CPZ: variants seen among roughly 807,000 people sequenced by gnomAD.
CPZ encodes VEZT/CPZ fusion.
In CPZ, 103 loss-of-function variants were observed where a neutral mutation model predicts 61.8. The observed-to-expected ratio is 1.67, with a 90% CI of 1.42 to 1.96. The LOEUF is 1.96. Among genes scored for constraint, CPZ ranks in the 30% most tolerant of loss-of-function variants. The pLI is 0.00. For synonymous variants in CPZ, 551 were observed against 373.7 expected, an observed-to-expected ratio of 1.47 and a Z score of -5.47; for missense variants, 1,461 against 914.9, an observed-to-expected ratio of 1.60 and a Z score of -7.70.
chr4:8,607,332 C>T lies in CPZ; in HGVS notation c.1134C>T (p.Ser378=), dbSNP rs1715119845. ...MQTIPFVLSA[S]LHGGDLVVSY... is the part of the protein sequence containing the mutation. Reference sequence around the variant, plus strand: ...CCATACCCTTTGTGCTCTCAGCCAGCCTTCATGGGGGCGACCTGGTGGTGT... The same window carrying T: ...CCATACCCTTTGTGCTCTCAGCCAGTCTTCATGGGGGCGACCTGGTGGTGT... Residue 378 remains serine (S), a synonymous_variant, in exon 7 of 11, where the codon AGC becomes AGT. Transcript: ENST00000360986. 6.2e-7 allele frequency: 1 copy of T among 1,614,116 alleles called. No homozygotes were observed. The highest frequency in any genetic ancestry group is 8.5e-7 in the Non-Finnish European group (1 of 1,179,984).
chr4:8,606,240 T>G, intron 5 of CPZ, 55 bp downstream of exon 5: 1 of 1,513,036 alleles, frequency 6.6e-7, no homozygotes, highest in South Asian at 1.2e-5. Flanking sequence ...ACCCCCTCAT[T>G]CATCCATTTA....
chr4:8,592,933 C>T lies in CPZ; in HGVS notation c.88+12C>T, dbSNP rs1277113790. Reference sequence around the variant, plus strand: ...GCGGAACCCCGCCGGTAAGGCCGTCCCCTGCCCCCACCCTCCACCCTCCAC... The same window carrying T: ...GCGGAACCCCGCCGGTAAGGCCGTCTCCTGCCCCCACCCTCCACCCTCCAC... On this transcript the variant is annotated intron_variant, in intron 1 of 10. Transcript: ENST00000360986. 1.3e-6 allele frequency: 2 copies of T among 1,527,808 alleles called. No individual in the cohort carries two copies. The highest frequency in any genetic ancestry group is 1.8e-6 in the Non-Finnish European group (2 of 1,138,580). The allele number at this position is 1,527,808 out of a possible 1,614,324, so 94.6% of individuals were successfully genotyped here. A position where few individuals can be genotyped will look rare whatever the true frequency, so the allele number is the denominator to read the frequency against.
intron 7 of CPZ, among the ~76,000 whole-genome samples, chr4:8,609,134 A>AC (rs1553877613): frequency 3.2e-5 from 4 of 124,814 alleles, no homozygotes; most frequent in Admixed American, 1.6e-4. Context: ...TCATTCACTC[A>AC]TTTACTCATT....
At position 8,601,171 on chromosome 4, in the gene CPZ, AC is replaced by A. The variant is rs1214708463; in HGVS notation, c.172del (p.His58ThrfsTer25). 1 of 1,606,292 alleles carries A rather than the reference AC, an allele frequency of 6.2e-7. No individual in the cohort carries two copies. The highest frequency in any genetic ancestry group is 8.5e-7 in the Non-Finnish European group (1 of 1,174,776). On this transcript the variant is annotated frameshift_variant, in exon 3 of 11. Transcript: ENST00000360986. LOFTEE classifies it high-confidence loss of function. ...QLRTCSDAAYNHTTFPNLLQH... is the reference protein window; with the variant it reads ...QLRTCSDAAYXHTTFPNLLQH... ...AGGACCTGCAGCGATGCCGCCTACA[AC>A]CACACCACCTTCCCCAACCTGCTTC...
At chr4:8,605,322 T>TCATC (rs6148295) in intron 4 of CPZ, among the ~76,000 whole-genome samples, 2,624 of 150,082 alleles carry the variant, frequency 0.017, 30 homozygotes, top group Middle Eastern at 0.061. Context: ...ATTCATTTAT[T>TCATC]CATCCATCCA....
intron 1 of CPZ, among the ~76,000 whole-genome samples, chr4:8,597,162 C>T (rs960407758): frequency 2.0e-5 from 3 of 152,172 alleles, no homozygotes; most frequent in African/African-American, 7.2e-5. Context: ...GCAAACCCTG[C>T]TGCCAGAGTG....
At chr4:8,614,539 C>T in intron 9 of CPZ, 41 bp downstream of exon 9, 1 of 1,601,220 alleles carries the variant, frequency 6.2e-7, no homozygotes, top group South Asian at 1.1e-5. Flanking sequence ...CAGCTGTGGC[C>T]TGGGTGGGGT....
At chr4:8,611,027 C>T (rs1265518662) in intron 7 of CPZ, 2 of 349,314 alleles carry the variant, frequency 5.7e-6, no homozygotes, top group African/African-American at 4.4e-5. Context: ...CACTCATTCC[C>T]TCACTCTTTC....
At chr4:8,596,420 T>G (rs1452844996) in intron 1 of CPZ, among the ~76,000 whole-genome samples, 3 of 152,252 alleles carry the variant, frequency 2.0e-5, no homozygotes, top group Non-Finnish European at 4.4e-5. Flanking sequence ...CACCCCTCTC[T>G]GTGCCTTGCA....
At chr4:8,605,918 T>TGG in intron 4 of CPZ, 71 bp from the exon 5 acceptor site, 1 of 1,472,320 alleles carries the variant, frequency 6.8e-7, no homozygotes, top group Non-Finnish European at 9.4e-7. Flanking sequence ...TCTTGCTGAG[T>TGG]GGGGGGGCCT....
rs747914067 is a variant in CPZ at position 8,612,067 on chromosome 4, C to G, written c.1268C>G (p.Pro423Arg). The G allele has an allele frequency of 5.0e-6, 8 of 1,613,898 alleles. No individual in the cohort carries two copies. Among genetic ancestry groups the G allele is most frequent in the Non-Finnish European group, 5.9e-6 (7 of 1,179,972 alleles). The change falls in exon 8 of 11, where the codon CCC becomes CGC. Residue 423 changes from proline (P) to arginine (R), a missense_variant. Pro to Arg is a moderately radical substitution (Grantham distance 103). Coordinates refer to ENST00000360986, the MANE Select transcript of CPZ (RefSeq NM_001014447.3). The part of the protein sequence containing the change: ...LLSRAYADVH[P>R]MMMDRSENRC... ...TCCAGAGCCTACGCTGACGTCCACC[C>G]CATGATGATGGACAGGTCGGAGAAT...
chr4:8,607,185 A>G, intron 6 of CPZ, 82 bp from the exon 7 acceptor site: 3 of 1,485,614 alleles, frequency 2.0e-6, no homozygotes, highest in East Asian at 2.3e-5. Flanking sequence ...ATTGGAGCCC[A>G]GAGGGCTGCT....
chr4:8,594,945 T>G (rs1436055027), intron 1 of CPZ, among the ~76,000 whole-genome samples: 2 of 152,060 alleles, frequency 1.3e-5, no homozygotes, highest in African/African-American at 4.8e-5. Flanking sequence ...ACTAATTTTT[T>G]GTAGTTTTAG....
At chr4:8,611,225 G>C (rs749632957) in intron 7 of CPZ, 15 of 456,144 alleles carry the variant, frequency 3.3e-5, no homozygotes, top group South Asian at 1.9e-4. Context: ...GCTCATGCAG[G>C]GTGAGCCCTT....
chr4:8,593,098 C>G (rs994504608), intron 1 of CPZ, among the ~76,000 whole-genome samples, 177 bp downstream of exon 1: 1 of 152,194 alleles, frequency 6.6e-6, no homozygotes, highest in Non-Finnish European at 1.5e-5. Context: ...TGTGACCTCT[C>G]CCCTGGACGG....
Position 8,618,530 on chromosome 4 carries a change from TGAGCACGTCCCTGGCTGTCCCCTGGG to T in CPZ, c.1603+5_1603+30del. ...GCATTCGCCACGACATCACCACAGG[TGAGCACGTCCCTGGCTGTCCCCTGGG>T]GACCACGTCTGCCAAGGAAATGCCA... On this transcript the variant is annotated splice_donor_5th_base_variant and intron_variant, in intron 10 of 10. Coordinates refer to ENST00000360986, the MANE Select transcript of CPZ (RefSeq NM_001014447.3). 2 of 1,613,154 alleles carry T rather than the reference TGAGCACGTCCCTGGCTGTCCCCTGGG, an allele frequency of 1.2e-6. No individual in the cohort carries two copies. The highest frequency in any genetic ancestry group is 8.5e-7 in the Non-Finnish European group (1 of 1,179,916).
chr4:8,609,047 C>CTCACCCACCCATTCA (rs1560297626), intron 7 of CPZ, among the ~76,000 whole-genome samples: 2 of 28,426 alleles, frequency 7.0e-5, no homozygotes. Flanking sequence ...CCATTCACTC[C>CTCACCCACCCATTCA]CTCCCTCCCT....
Position 8,614,483 on chromosome 4 carries a change from G to A in CPZ, c.1488G>A (p.Leu496=). The change falls in exon 9 of 11, where the codon CTG becomes CTA. Residue 496 remains leucine, a synonymous_variant. Coordinates refer to ENST00000360986, the MANE Select transcript of CPZ (RefSeq NM_001014447.3). ...GGCAGCACAACAAGGAGTCACTCCT[G>A]AATTTCGTGGAGACGGTGAGTTCTG... ...ILWQHNKESL[L]NFVETVHRGI... The A allele has an allele frequency of 2.5e-6, 4 of 1,613,680 alleles. No individual in the cohort carries two copies. Among genetic ancestry groups the A allele is most frequent in the Non-Finnish European group, 3.4e-6 (4 of 1,179,786 alleles).
intron 8 of CPZ, among the ~76,000 whole-genome samples, chr4:8,613,357 C>G (rs140150870): frequency 1.4e-3 from 220 of 152,312 alleles, no homozygotes; most frequent in African/African-American, 5.0e-3. Flanking sequence ...GTCTTGATCT[C>G]CTGACCTCGT....
Sources: gnomAD v4.1 joint callset for allele counts (sites outside exome capture counted in the v4.1 genomes callset) on GRCh38, gnomAD v4.1.1 for gene constraint, MANE v1.5 for transcripts, NCBI Gene and HGNC (gene_info 2026-07-23, HGNC 2026-07-21) for gene names.